The following SVEP1 variants were observed in gnomAD, a reference collection of about 807,000 sequenced individuals.
SVEP1 encodes sushi, von Willebrand factor type A, EGF and pentraxin domain-containing protein 1.
Under a neutral mutation model 367.3 loss-of-function variants are expected in SVEP1, and 164 were observed. The ratio of observed to expected loss-of-function variants is 0.45; its 90% CI spans 0.39 to 0.51. SVEP1 has a LOEUF of 0.51. Among genes scored for constraint, SVEP1 ranks in the 20% least tolerant of loss-of-function variants. The pLI is 0.00. For synonymous variants in SVEP1, 1,666 were observed against 1,611.6 expected, an observed-to-expected ratio of 1.03 and a Z score of -0.81; for missense variants, 4,117 against 4,425.3, an observed-to-expected ratio of 0.93 and a Z score of 1.98.
Position 110,427,732 on chromosome 9 carries a change from C to T in SVEP1, c.5834G>A (p.Cys1945Tyr). ...TCTGTCCCAGATGCCAGAAGCCGTG[C>T]ATTCAATAATGGAAGGGCCCTGTAA... Reference protein sequence around the residue: ...YSLQGPSIIECTASGIWDRAP... With the variant: ...YSLQGPSIIEYTASGIWDRAP... Residue 1945 changes from cysteine (C) to tyrosine (Y), a missense_variant, in exon 36 of 48, where the codon TGC becomes TAC. Physicochemically the swap from Cys to Tyr is radical, Grantham distance 194 (BLOSUM62 -2). This residue lies in a region of SVEP1 where 2,174 missense variants were observed against 2,494.3 expected (regional missense o/e 0.87). Coordinates refer to ENST00000374469, the MANE Select transcript of SVEP1 (RefSeq NM_153366.4). The T allele has an allele frequency of 6.2e-7, 1 of 1,612,862 alleles. No individual in the cohort carries two copies. Among genetic ancestry groups the T allele is most frequent in the Non-Finnish European group, 8.5e-7 (1 of 1,179,404 alleles).
At chr9:110,473,773 A>G (rs976774827) in intron 14 of SVEP1, among the ~76,000 whole-genome samples, 4 of 152,220 alleles carry the variant, frequency 2.6e-5, no homozygotes, top group Non-Finnish European at 5.9e-5. Flanking sequence ...AATGTAGTAC[A>G]TATTTGCACA....
chr9:110,458,654 G>T, intron 19 of SVEP1, 92 bp from the exon 20 acceptor site: 4 of 1,265,522 alleles, frequency 3.2e-6, no homozygotes, highest in Non-Finnish European at 4.4e-6. Flanking sequence ...GGTTGTCAGA[G>T]TGGGTAAAGC....
At position 110,386,743 on chromosome 9, in the gene SVEP1, T is replaced by A. The variant is rs968693400; in HGVS notation, c.10060+542A>T. 1.3e-4 allele frequency among the ~76,000 whole-genome samples: 20 copies of A among 152,374 alleles called. 1 individual carries two copies. The highest frequency in any genetic ancestry group is 4.3e-4 in the African/African-American group (18 of 41,594). ...TTTCAAGCAATTTCAGATTTTTAAA[T>A]GGGCATAAAAGTATTTGAGTGAGGT... On this transcript the variant is annotated intron_variant, in intron 42 of 47. Coordinates refer to ENST00000374469, the MANE Select transcript of SVEP1 (RefSeq NM_153366.4).
chr9:110,397,620 T>G (rs1827785730), intron 40 of SVEP1, among the ~76,000 whole-genome samples: 1 of 145,966 alleles, frequency 6.9e-6, no homozygotes, highest in African/African-American at 2.8e-5. Flanking sequence ...AAAATCTCCT[T>G]AAGTGGATAA....
At position 110,407,755 on chromosome 9, in the gene SVEP1, G is replaced by A. The variant is rs749831191; in HGVS notation, c.7845C>T (p.Leu2615=). The A allele has an allele frequency of 6.2e-7, 1 of 1,614,000 alleles. No individual in the cohort carries two copies. The highest frequency in any genetic ancestry group is 8.5e-7 in the Non-Finnish European group (1 of 1,179,902). Residue 2615 remains leucine, a synonymous_variant, in exon 38 of 48, where the codon CTC becomes CTT. Coordinates refer to ENST00000374469, the MANE Select transcript of SVEP1 (RefSeq NM_153366.4). The part of the protein sequence containing the change: ...IPTCMPIDCG[L]PPHIDFGDCT... The stretch of plus-strand genomic sequence containing the variant: ...AGTCTCCAAAATCTATATGAGGAGG[G>A]AGGCCACAGTCTATTGGCATACATG...
intron 1 of SVEP1, among the ~76,000 whole-genome samples, chr9:110,575,619 T>A (rs553791894): frequency 6.6e-6 from 1 of 151,768 alleles, no homozygotes; most frequent in Non-Finnish European, 1.5e-5. Flanking sequence ...TCATAAGCAA[T>A]GAAAACAGTA....
intron 40 of SVEP1, among the ~76,000 whole-genome samples, chr9:110,398,731 C>T (rs10980369): frequency 0.038 from 5,748 of 152,274 alleles, 155 homozygotes; most frequent in Middle Eastern, 0.068. Context: ...AGCCAAAAAA[C>T]ACTCATGAAA....
intron 36 of SVEP1, among the ~76,000 whole-genome samples, chr9:110,426,224 ATT>A (rs1828250753): frequency 6.6e-6 from 1 of 152,212 alleles, no homozygotes; most frequent in African/African-American, 2.4e-5. Flanking sequence ...TTTAACTCTT[ATT>A]ATCTTTTCGC....
chr9:110,455,757 T>C (rs1301921739), intron 21 of SVEP1, 54 bp from the exon 22 acceptor site: 1 of 1,388,748 alleles, frequency 7.2e-7, no homozygotes, highest in Non-Finnish European at 9.9e-7. Context: ...TTAACCGAAA[T>C]AGAACTATGA....
At chr9:110,435,386 AG>A (rs1219145464) in intron 28 of SVEP1, 22 bp from the exon 29 acceptor site, 1 of 1,611,244 alleles carries the variant, frequency 6.2e-7, no homozygotes, top group South Asian at 1.1e-5. Context: ...ATAACACTTT[AG>A]ATAAGCCTTA....
At chr9:110,376,776 T>C (rs1827356615) in intron 45 of SVEP1, 1 of 152,290 alleles carries the variant, frequency 6.6e-6, no homozygotes, top group Non-Finnish European at 1.5e-5. Context: ...GGATCAAAAT[T>C]CTATATTAAT....
rs564877313 is a variant in SVEP1 at position 110,434,390 on chromosome 9, C to T, written c.5005G>A (p.Val1669Met). The T allele has an allele frequency of 2.5e-5, 40 of 1,613,298 alleles. No homozygotes were observed. The African/African-American group carries it at 4.8e-4, about 19-fold the overall frequency. ...DPGFQLVGNP[V>M]QYCLNQGQWT... ...TGTCCTTGATTCAGACAGTACTGCA[C>T]AGGGTTCCCGACCAGCTGGAAGCCT... Residue 1669 changes from valine to methionine, a missense_variant, in exon 30 of 48, where the codon GTG becomes ATG. Around this residue, in one of 4 missense-constraint regions of SVEP1, gnomAD observed 2,174 missense variants for 2,494.3 expected, o/e 0.87. Coordinates refer to ENST00000374469, the MANE Select transcript of SVEP1 (RefSeq NM_153366.4).
Position 110,436,052 on chromosome 9 carries a change from G to A in SVEP1, c.4764+328C>T, listed in dbSNP as rs184625717. 4.2e-3 allele frequency among the ~76,000 whole-genome samples: 644 copies of A among 152,042 alleles called. 3 individuals carry two copies. Among genetic ancestry groups the A allele is most frequent in the African/African-American group, 0.015 (611 of 41,468 alleles). On this transcript the variant is annotated intron_variant, in intron 28 of 47. Coordinates refer to ENST00000374469, the MANE Select transcript of SVEP1 (RefSeq NM_153366.4). ...TTAAATTTCTGCATCTTCAGTCAGA[G>A]GGATTTGAAGCATTATTCTTTATGA...
Position 110,387,260 on chromosome 9 carries a change from AATTTCTCCTAAAG to A in SVEP1, c.10060+12_10060+24del. ...TAATCGTGAAACTGAATCTGATTAA[AATTTCTCCTAAAG>A]GCAACACACACGTTTGCAGAGAGGG... On this transcript the variant is annotated intron_variant, in intron 42 of 47. Coordinates refer to ENST00000374469, the MANE Select transcript of SVEP1 (RefSeq NM_153366.4). 6.5e-7 allele frequency: 1 copy of A among 1,549,732 alleles called. No homozygotes were observed. Among genetic ancestry groups the A allele is most frequent in the Non-Finnish European group, 8.7e-7 (1 of 1,154,926 alleles).
intron 47 of SVEP1, among the ~76,000 whole-genome samples, chr9:110,367,223 A>C (rs995841912): frequency 6.6e-6 from 1 of 152,194 alleles, no homozygotes; most frequent in South Asian, 2.1e-4. Flanking sequence ...GCAGTGGCAC[A>C]ATCTTGGCTC....
chr9:110,449,739 C>G (rs1450200131), intron 24 of SVEP1, among the ~76,000 whole-genome samples: 1 of 152,036 alleles, frequency 6.6e-6, no homozygotes, highest in African/African-American at 2.4e-5. Flanking sequence ...TTGTCTAGTA[C>G]TACTGTATTT....
chr9:110,566,290 C>A (rs1477288059), intron 1 of SVEP1, among the ~76,000 whole-genome samples: 1 of 151,512 alleles, frequency 6.6e-6, no homozygotes, highest in African/African-American at 2.4e-5. Flanking sequence ...CCACTGCATG[C>A]CAGCCTGGGC....
At position 110,406,822 on chromosome 9, in the gene SVEP1, A is replaced by G; in HGVS notation, c.8778T>C (p.Ala2926=). The change falls in exon 38 of 48, where the codon GCT becomes GCC. Residue 2926 remains alanine (A), a synonymous_variant. Transcript: ENST00000374469. ...CATCTGACTGACAGGTGAGTTTTGG[A>G]GCACCGTGCAAGATGTAGCCCTCGT... The part of the protein sequence containing the change: ...HCHEGYILHG[A]PKLTCQSDGN... 6.2e-7 allele frequency: 1 copy of G among 1,613,980 alleles called. No homozygotes were observed. The highest frequency in any genetic ancestry group is 8.5e-7 in the Non-Finnish European group (1 of 1,179,890).
intron 17 of SVEP1, 92 bp downstream of exon 17, chr9:110,468,848 G>C (rs537380600): frequency 7.8e-7 from 1 of 1,280,250 alleles, no homozygotes; most frequent in Non-Finnish European, 1.1e-6. Flanking sequence ...GACAAGAGCC[G>C]AGTGTTGGGT....
Sources: gnomAD v4.1 joint callset for allele counts (sites outside exome capture counted in the v4.1 genomes callset) on GRCh38, gnomAD v4.1.1 for gene constraint, gnomAD v4.1.1 regional missense constraint, MANE v1.5 for transcripts, NCBI Gene and HGNC (gene_info 2026-07-23, HGNC 2026-07-21) for gene names.